EXD2: variants seen among roughly 807,000 people sequenced by gnomAD.
The protein encoded by EXD2 is exonuclease 3'-5' domain-containing protein 2.
In EXD2, 40 loss-of-function variants were observed where a neutral mutation model predicts 62.5. The ratio of observed to expected loss-of-function variants is 0.64; its 90% CI spans 0.50 to 0.83. The LOEUF (loss-of-function observed/expected upper bound fraction) is 0.83. Among genes scored for constraint, EXD2 ranks in the 40% least tolerant of loss-of-function variants. The pLI is 0.00. For missense variants in EXD2, 671 were observed against 761.8 expected (o/e 0.88, Z 1.40); for synonymous variants, 239 against 291.9 (o/e 0.82, Z 1.85).
At chr14:69,227,595 C>T (rs1022158329) in intron 3 of EXD2, among the ~76,000 whole-genome samples, 1 of 152,142 alleles carries the variant, frequency 6.6e-6, no homozygotes, top group African/African-American at 2.4e-5. Context: ...TGCCTGTAAT[C>T]CCAGCACTCT....
At chr14:69,210,050 C>A in intron 3 of EXD2, 1 of 326,618 alleles carries the variant, frequency 3.1e-6, no homozygotes, top group Non-Finnish European at 5.6e-6. Context: ...CTTATCATTC[C>A]GTGAACTTGG....
intron 3 of EXD2, 75 bp from the exon 4 acceptor site, chr14:69,228,741 T>C: frequency 1.3e-6 from 2 of 1,528,804 alleles, no homozygotes; most frequent in Non-Finnish European, 8.8e-7. Context: ...CTCTTAGACT[T>C]TTTTGTCACA....
intron 3 of EXD2, among the ~76,000 whole-genome samples, chr14:69,215,332 G>A (rs945870267): frequency 9.5e-4 from 143 of 151,270 alleles, no homozygotes; most frequent in African/African-American, 3.1e-3. Flanking sequence ...GTGTGTGTGT[G>A]TATAATACAA....
At chr14:69,211,217 T>G (rs562759576) in intron 3 of EXD2, among the ~76,000 whole-genome samples, 8 of 152,124 alleles carry the variant, frequency 5.3e-5, no homozygotes, top group Admixed American at 1.3e-4. Flanking sequence ...TATGCAATAT[T>G]CTAAATCTTT....
At chr14:69,202,018 G>A (rs1164193854) in intron 1 of EXD2, among the ~76,000 whole-genome samples, 1 of 152,056 alleles carries the variant, frequency 6.6e-6, no homozygotes, top group East Asian at 1.9e-4. Flanking sequence ...TCGGCCAGGT[G>A]TGGTGTTCAT....
Position 69,235,895 on chromosome 14 carries a change from TG to T in EXD2, c.1050-149del, listed in dbSNP as rs368642570. On this transcript the variant is annotated intron_variant, in intron 6 of 9. Transcript: ENST00000685843. ...GCCCAGTGCAGGTGAGGATTAAACATGGTTTCTCACTCTGTTTTTTCCATAG... is the reference window on the plus strand; with the variant it reads ...GCCCAGTGCAGGTGAGGATTAAACATGTTTCTCACTCTGTTTTTTCCATAG... The T allele has an allele frequency of 4.4e-4, 317 of 720,356 alleles. 2 individuals carry two copies. In the African/African-American group the frequency reaches 5.0e-3, roughly 11 times the overall value. The allele number at this position is 720,356 out of a possible 1,614,324, so 44.6% of individuals were successfully genotyped here. A position where few individuals can be genotyped will look rare whatever the true frequency, so the allele number is the denominator to read the frequency against.
intron 9 of EXD2, among the ~76,000 whole-genome samples, chr14:69,238,175 C>T (rs930946913): frequency 1.3e-5 from 2 of 152,196 alleles, no homozygotes; most frequent in East Asian, 3.8e-4. Flanking sequence ...AAAGATCATA[C>T]ACTTAATTTC....
intron 2 of EXD2, among the ~76,000 whole-genome samples, chr14:69,205,347 C>T (rs775100605): frequency 2.0e-5 from 3 of 152,070 alleles, no homozygotes; most frequent in Non-Finnish European, 4.4e-5. Flanking sequence ...CACCATGCTT[C>T]GCCTCAGTAT....
At chr14:69,224,192 A>C (rs532845200) in intron 3 of EXD2, 1 of 152,374 alleles carries the variant, frequency 6.6e-6, no homozygotes, top group South Asian at 2.1e-4. Flanking sequence ...ACACCACCAT[A>C]CCCATCCCCA....
intron 1 of EXD2, among the ~76,000 whole-genome samples, chr14:69,200,950 T>C (rs1038490608): frequency 6.6e-6 from 1 of 151,726 alleles, no homozygotes; most frequent in African/African-American, 2.4e-5. Flanking sequence ...GGCGGGCATC[T>C]GTAGTCCTAG....
chr14:69,223,443 A>C (rs967259632), intron 3 of EXD2, among the ~76,000 whole-genome samples: 3 of 152,224 alleles, frequency 2.0e-5, no homozygotes. Flanking sequence ...GGATGGTGAT[A>C]TGATTGAAAG....
intron 2 of EXD2, among the ~76,000 whole-genome samples, chr14:69,205,622 C>G (rs1298135328): frequency 6.6e-6 from 1 of 151,950 alleles, no homozygotes; most frequent in Non-Finnish European, 1.5e-5. Context: ...TTTGATGGCT[C>G]TATGCACTAT....
Position 69,209,556 on chromosome 14 carries a change from A to G in EXD2, c.86A>G (p.Gln29Arg), listed in dbSNP as rs1566822051. 1 of 1,550,632 alleles carries G rather than the reference A, an allele frequency of 6.4e-7. No individual in the cohort carries two copies. The highest frequency in any genetic ancestry group is 8.7e-7 in the Non-Finnish European group (1 of 1,147,014). ...GGGTTTGTCCTCTGGAAAGGCATCC[A>G]GCGCCGCCGAAGGAGTAAAACGAGT... is the stretch of plus-strand genomic sequence containing the variant. ...VGGFVLWKGI[Q>R]RRRRSKTSPV... Residue 29 changes from glutamine to arginine, a missense_variant, in exon 3 of 10, where the codon CAG becomes CGG. By Grantham distance (43) the Gln-to-Arg change is conservative. Coordinates refer to ENST00000685843, the MANE Select transcript of EXD2 (RefSeq NM_001193360.2).
At chr14:69,230,004 A>G (rs899054966) in intron 4 of EXD2, among the ~76,000 whole-genome samples, 1 of 152,238 alleles carries the variant, frequency 6.6e-6, no homozygotes, top group Non-Finnish European at 1.5e-5. Context: ...AAACTCTGCG[A>G]AAGTCTATGG....
At chr14:69,224,939 A>G (rs2043307503) in intron 3 of EXD2, among the ~76,000 whole-genome samples, 1 of 152,136 alleles carries the variant, frequency 6.6e-6, no homozygotes, top group Non-Finnish European at 1.5e-5. Context: ...AGATCACACC[A>G]CTGCACTCCA....
chr14:69,213,724 T>C (rs1965449), intron 3 of EXD2, among the ~76,000 whole-genome samples: 111,999 of 148,194 alleles, frequency 0.76, 43,620 homozygotes, highest in East Asian at 1. Flanking sequence ...AGTACATTAG[T>C]GCAATCTTGA....
At position 69,237,796 on chromosome 14, in the gene EXD2, G is replaced by T. The variant is rs2043848817; in HGVS notation, c.1514G>T (p.Gly505Val). ...EDPERRQVRS[G>V]ARALLNAESL... ...CCTGAGCGCCGGCAGGTGCGTTCTG[G>T]GGCCAGGGCCCTGCTCAACGCGGAG... The change falls in exon 9 of 10, where the codon GGG (glycine) becomes GTG (valine). Residue 505 changes from glycine (G) to valine (V), a missense_variant. By Grantham distance (109) the Gly-to-Val change is moderately radical (BLOSUM62 -3). Coordinates refer to ENST00000685843, the MANE Select transcript of EXD2 (RefSeq NM_001193360.2). The T allele has an allele frequency of 6.2e-7, 1 of 1,613,732 alleles. No individual in the cohort carries two copies. Among genetic ancestry groups the T allele is most frequent in the African/African-American group, 1.3e-5 (1 of 75,072 alleles).
chr14:69,228,467 C>T (rs2043445644), intron 3 of EXD2, among the ~76,000 whole-genome samples: 1 of 152,162 alleles, frequency 6.6e-6, no homozygotes, highest in Non-Finnish European at 1.5e-5. Flanking sequence ...GCTGGGATTA[C>T]AGGCATGAGC....
intron 3 of EXD2, among the ~76,000 whole-genome samples, chr14:69,215,700 CTAT>C (rs1386271447): frequency 3.6e-4 from 55 of 152,174 alleles, no homozygotes; most frequent in East Asian, 1.4e-3. Flanking sequence ...TAATAGTTCA[CTAT>C]TATTTTAATT....
Sources: gnomAD v4.1 joint callset for allele counts (sites outside exome capture counted in the v4.1 genomes callset) on GRCh38, gnomAD v4.1.1 for gene constraint, MANE v1.5 for transcripts, NCBI Gene and HGNC (gene_info 2026-07-23, HGNC 2026-07-21) for gene names.